The following ADK variants were observed in gnomAD, a reference collection of about 807,000 sequenced individuals.
ADK encodes the protein adenosine kinase, also known as N6,N6-dimethyladenosine kinase.
A neutral mutation model predicts 44.7 loss-of-function variants in ADK; 24 were observed. The observed-to-expected ratio is 0.54, with a 90% confidence interval of 0.39 to 0.76. ADK has a LOEUF of 0.76. Ranked by LOEUF, ADK falls within the 30% of genes least tolerant of loss-of-function variation. The pLI is 0.00. For missense variants in ADK, 321 were observed against 425.1 expected, an observed-to-expected ratio of 0.76 and a Z score of 2.15; for synonymous variants, 128 against 142.6, an observed-to-expected ratio of 0.90 and a Z score of 0.73.
At position 74,502,802 on chromosome 10, in the gene ADK, A is replaced by T. The variant is rs74433016; in HGVS notation, c.556-22454A>T. On this transcript the variant is annotated intron_variant, in intron 6 of 10. Coordinates refer to ENST00000539909, the MANE Select transcript of ADK (RefSeq NM_006721.4). ...TATTACCCCCTGGAAATTGGGTGTT[A>T]TACTCAAATGTAAAGGACTTGTATT... 5.6e-3 allele frequency among the ~76,000 whole-genome samples: 857 copies of T among 152,274 alleles called. 7 individuals carry two copies. The highest frequency in any genetic ancestry group is 0.02 in the African/African-American group (811 of 41,568).
At chr10:74,195,710 T>TC (rs201907003) in intron 1 of ADK, among the ~76,000 whole-genome samples, 23 of 120,768 alleles carry the variant, frequency 1.9e-4, no homozygotes, top group East Asian at 1.0e-3. Flanking sequence ...TTTCTTTCTT[T>TC]TTTTTTTTTT....
intron 9 of ADK, among the ~76,000 whole-genome samples, chr10:74,640,242 A>G (rs1473371617): frequency 6.6e-6 from 1 of 152,218 alleles, no homozygotes; most frequent in African/African-American, 2.4e-5. Flanking sequence ...TCTCTCTCAG[A>G]TCTAACTCCT....
intron 9 of ADK, among the ~76,000 whole-genome samples, chr10:74,601,456 G>A (rs1852116692): frequency 6.6e-6 from 1 of 151,944 alleles, no homozygotes; most frequent in African/African-American, 2.4e-5. Flanking sequence ...GATATATATA[G>A]ATCAACTTTC....
intron 6 of ADK, among the ~76,000 whole-genome samples, chr10:74,471,082 T>C (rs34775607): frequency 0.6 from 90,365 of 149,704 alleles, 29,529 homozygotes; most frequent in Middle Eastern, 0.77. Flanking sequence ...TTTCTTTTTT[T>C]TTTTTTTTTT....
At chr10:74,589,112 T>G (rs1415675886) in intron 7 of ADK, among the ~76,000 whole-genome samples, 170 bp from the exon 8 acceptor site, 2 of 152,134 alleles carry the variant, frequency 1.3e-5, no homozygotes, top group African/African-American at 4.8e-5. Context: ...TTATTATTAT[T>G]ATTCCAAGGG....
chr10:74,458,145 T>TG (rs1846025411), intron 6 of ADK, among the ~76,000 whole-genome samples: 2 of 50,890 alleles, frequency 3.9e-5, no homozygotes, highest in African/African-American at 1.1e-4. Context: ...TTTTTTTTTT[T>TG]TGGGGGGAGA....
intron 7 of ADK, among the ~76,000 whole-genome samples, chr10:74,568,309 A>T (rs138091283): frequency 6.6e-6 from 1 of 151,324 alleles, no homozygotes; most frequent in East Asian, 1.9e-4. Context: ...TTTCCCCTTA[A>T]TTTTTTTTTC....
intron 6 of ADK, among the ~76,000 whole-genome samples, chr10:74,406,348 A>G (rs1001971381): frequency 6.6e-6 from 1 of 151,976 alleles, no homozygotes; most frequent in African/African-American, 2.4e-5. Context: ...TGCTTTTAAG[A>G]TGTTTATCAC....
At chr10:74,198,402 T>C (rs1843244502) in intron 1 of ADK, among the ~76,000 whole-genome samples, 1 of 152,264 alleles carries the variant, frequency 6.6e-6, no homozygotes, top group South Asian at 2.1e-4. Flanking sequence ...CCATAGTTGC[T>C]CAATCTATGG....
intron 3 of ADK, among the ~76,000 whole-genome samples, chr10:74,225,140 C>T (rs1284564597): frequency 6.6e-6 from 1 of 152,188 alleles, no homozygotes; most frequent in East Asian, 1.9e-4. Flanking sequence ...GCTGGAGGCG[C>T]AATCTCGGCT....
At chr10:74,512,792 C>G (rs374964248) in intron 6 of ADK, among the ~76,000 whole-genome samples, 1 of 150,976 alleles carries the variant, frequency 6.6e-6, no homozygotes, top group Non-Finnish European at 1.5e-5. Flanking sequence ...TTATTTCTTT[C>G]CTTCCATTAA....
rs10669118 is a variant in ADK, at chr10:74,694,147, A to ATTTTTTTTTTTTTTTTTTTTTTTTTTTTT, written c.965-14150_965-14149insTTTTTTTTTTTTTTTTTTTTTTTTTTTTT. ...TAGAAACTTAACTTTTTTCAAACAC[A>ATTTTTTTTTTTTTTTTTTTTTTTTTTTTT]TTTTTTTTTTTTTTTTTTTTTTTTA... is the stretch of plus-strand genomic sequence containing the variant. On this transcript the variant is annotated intron_variant, in intron 10 of 10. Coordinates refer to ENST00000539909, the MANE Select transcript of ADK (RefSeq NM_006721.4). 2.4e-5 allele frequency among the ~76,000 whole-genome samples: 2 copies of ATTTTTTTTTTTTTTTTTTTTTTTTTTTTT among 82,304 alleles called. 1 individual carries two copies. The highest frequency in any genetic ancestry group is 3.8e-4 in the Admixed American group (2 of 5,306). 54.0% of individuals were successfully genotyped at this position (82,304 alleles called of 152,430 possible). A position where few individuals can be genotyped will look rare whatever the true frequency, so the allele number is the denominator to read the frequency against.
intron 6 of ADK, among the ~76,000 whole-genome samples, chr10:74,504,242 A>G (rs1407703559): frequency 1.3e-5 from 2 of 151,820 alleles, no homozygotes; most frequent in Admixed American, 1.3e-4. Context: ...TTTTTTTTTA[A>G]TATGTACCTC....
intron 9 of ADK, among the ~76,000 whole-genome samples, chr10:74,638,401 C>G (rs1167106536): frequency 1.3e-5 from 2 of 152,100 alleles, no homozygotes; most frequent in African/African-American, 2.4e-5. Flanking sequence ...GTGACTCACA[C>G]CTGTAACCTC....
intron 10 of ADK, among the ~76,000 whole-genome samples, chr10:74,685,751 A>G (rs1855762582): frequency 6.6e-6 from 1 of 152,236 alleles, no homozygotes; most frequent in African/African-American, 2.4e-5. Context: ...TGAGAATGAC[A>G]GCATGTGAGA....
chr10:74,515,597 G>A (rs1250573598), intron 6 of ADK, among the ~76,000 whole-genome samples: 1 of 152,144 alleles, frequency 6.6e-6, no homozygotes, highest in African/African-American at 2.4e-5. Flanking sequence ...ATTATTGGGG[G>A]TAAAGGACTG....
chr10:74,272,965 T>G (rs369416739), intron 3 of ADK, among the ~76,000 whole-genome samples: 18 of 152,070 alleles, frequency 1.2e-4, no homozygotes, highest in East Asian at 1.2e-3. Context: ...AGCACACTGG[T>G]GTAATTAGAA....
At chr10:74,227,164 C>A (rs544398853) in intron 3 of ADK, among the ~76,000 whole-genome samples, 1 of 152,162 alleles carries the variant, frequency 6.6e-6, no homozygotes, top group Admixed American at 6.5e-5. Context: ...TTTTTGTGTT[C>A]AAGACTAAGC....
chr10:74,151,334 AAGCGCTGAGGTG>A lies in ADK; in HGVS notation c.64_65+10del. 1 of 1,549,530 alleles carries A rather than the reference AAGCGCTGAGGTG, an allele frequency of 6.5e-7. No homozygotes were observed. On this transcript the variant is annotated splice_donor_variant and splice_donor_region_variant and coding_sequence_variant and intron_variant, in exon 1 of 11. Coordinates refer to ENST00000539909, the MANE Select transcript of ADK (RefSeq NM_006721.4). LOFTEE classifies it high-confidence loss of function. ...AAAAAGCTGAAGGTGGAGGCGCCGC[AAGCGCTGAGGTG>A]AGCGCTGCCGGACTTGGGGAGGAGG...
Sources: allele counts gnomAD v4.1 joint callset (sites outside exome capture counted in the v4.1 genomes callset), GRCh38; gene constraint gnomAD v4.1.1; transcripts MANE v1.5; gene names NCBI Gene and HGNC (gene_info 2026-07-23, HGNC 2026-07-21).